Variants in RNF19A observed in about 807,000 individuals in gnomAD.
RNF19A encodes E3 ubiquitin-protein ligase RNF19A.
RNF19A carries 32 observed loss-of-function variants against 75.7 expected under a neutral mutation model. That is an observed-to-expected ratio of 0.42 (90% confidence interval 0.32 to 0.57). The LOEUF is 0.57. RNF19A is among the 20% of genes least tolerant of loss of function. The pLI, the probability that RNF19A is intolerant of heterozygous loss-of-function variation, is 0.10. For synonymous variants in RNF19A, 335 were observed against 345.2 expected (o/e 0.97, Z 0.33); for missense variants, 782 against 1,036.3 (o/e 0.75, Z 3.37).
chr8:100,265,943 C>T (rs1419064808), intron 5 of RNF19A, among the ~76,000 whole-genome samples: 1 of 152,210 alleles, frequency 6.6e-6, no homozygotes, highest in Non-Finnish European at 1.5e-5. Context: ...GCAGCTAATT[C>T]CTGCTCCTCC....
intron 1 of RNF19A, among the ~76,000 whole-genome samples, chr8:100,320,538 C>A (rs551798985): frequency 6.6e-6 from 1 of 152,274 alleles, no homozygotes; most frequent in South Asian, 2.1e-4. Flanking sequence ...CTAATATTCA[C>A]TGGGTGGAAA....
At chr8:100,310,316 A>G (rs1267413902), upstream of RNF19A, 1 of 892,208 alleles carries the variant, frequency 1.1e-6, no homozygotes, top group Non-Finnish European at 1.3e-6. Context: ...GGTGGCCCCG[A>G]CTGCGGCCCC....
intron 1 of RNF19A, among the ~76,000 whole-genome samples, chr8:100,321,102 G>T (rs190475233): frequency 3.4e-4 from 52 of 152,288 alleles, no homozygotes; most frequent in Middle Eastern, 3.4e-3. Flanking sequence ...AGCTGTGGCG[G>T]TTTCTTAAAA....
At chr8:100,300,578 A>T (rs1177119147) in intron 1 of RNF19A, 20 of 152,214 alleles carry the variant, frequency 1.3e-4, no homozygotes, top group Non-Finnish European at 5.9e-5. Flanking sequence ...GCTTGAGCCC[A>T]GGAATTCCAG....
At position 100,275,659 on chromosome 8, in the gene RNF19A, A is replaced by G. The variant is rs576151735; in HGVS notation, c.675-498T>C. 6.6e-6 allele frequency among the ~76,000 whole-genome samples: 1 copy of G among 152,308 alleles called. No individual in the cohort carries two copies. Among genetic ancestry groups the G allele is most frequent in the Non-Finnish European group, 1.5e-5 (1 of 68,028 alleles). ...ATTGTATGCACACAAAAAAAAGACT[A>G]GAAGGAAAAACACCAAAAATCTTAA... On this transcript the variant is annotated intron_variant, in intron 2 of 9. Transcript: ENST00000341084. This position sits in a 1 kb window ranked among gnomAD's most constrained non-coding sequence, Gnocchi z 4.3.
intron 1 of RNF19A, among the ~76,000 whole-genome samples, chr8:100,319,447 C>T (rs1822432619): frequency 6.6e-6 from 1 of 151,672 alleles, no homozygotes. Flanking sequence ...GAGTTGAGGC[C>T]TACTTTGCAC....
At chr8:100,272,701 G>A (rs554079314) in intron 3 of RNF19A, among the ~76,000 whole-genome samples, 8 of 151,938 alleles carry the variant, frequency 5.3e-5, no homozygotes, top group South Asian at 4.2e-4. Context: ...ACACCACCAC[G>A]CCTGGCTAAT....
upstream of RNF19A, among the ~76,000 whole-genome samples, chr8:100,311,241 C>G (rs140361780): frequency 6.6e-6 from 1 of 152,086 alleles, no homozygotes; most frequent in Non-Finnish European, 1.5e-5. Context: ...TGTCTTTGGC[C>G]TCGAATCTTA....
In RNF19A at chr8:100,258,411, G is replaced by A; in HGVS notation, c.*145C>T. On this transcript the variant is annotated 3_prime_UTR_variant, in exon 10 of 10. Coordinates refer to ENST00000341084, the MANE Select transcript of RNF19A (RefSeq NM_183419.4). The surrounding 1 kb of genome is among the most constrained non-coding windows in gnomAD (Gnocchi z 4.3). Reference sequence around the variant, plus strand: ...AACTAAGATCCACATGACACACAATGCCTTGCTGAACACAGAAAATGTATC... The same window carrying A: ...AACTAAGATCCACATGACACACAATACCTTGCTGAACACAGAAAATGTATC... The A allele has an allele frequency of 1.6e-6, 1 of 634,388 alleles. No individual in the cohort carries two copies. The highest frequency in any genetic ancestry group is 2.7e-6 in the Non-Finnish European group (1 of 369,584). 39.3% of individuals were successfully genotyped at this position (634,388 alleles called of 1,614,324 possible).
At chr8:100,300,416 G>A (rs1457764871) in intron 1 of RNF19A, 2 of 152,296 alleles carry the variant, frequency 1.3e-5, no homozygotes, top group African/African-American at 2.4e-5. Context: ...CGCTTTGGGA[G>A]GACAAGGCAG....
chr8:100,278,256 T>A (rs2129769731), intron 2 of RNF19A, among the ~76,000 whole-genome samples: 1 of 152,380 alleles, frequency 6.6e-6, no homozygotes, highest in South Asian at 2.1e-4. Context: ...TCTGCACTTG[T>A]GCTTGACTAA....
At chr8:100,318,771 T>A (rs1030659007) in intron 1 of RNF19A, among the ~76,000 whole-genome samples, 2 of 152,198 alleles carry the variant, frequency 1.3e-5, no homozygotes, top group African/African-American at 2.4e-5. Flanking sequence ...CACTACCGGA[T>A]TTACATAGCC....
At position 100,259,965 on chromosome 8, in the gene RNF19A, C is replaced by T. The variant is rs745964127; in HGVS notation, c.1715G>A (p.Arg572Gln). The stretch of plus-strand genomic sequence containing the variant: ...GCCAGATTCTCCACTTAGACTGTAC[C>T]GTTCTTTCTGTACATCTGCTTGTAC... ...LEVQADVQKE[R>Q]YSLSGESGTV... The change falls in exon 9 of 10, where the codon CGG becomes CAG. Residue 572 changes from arginine to glutamine, a missense_variant. Transcript: ENST00000341084. The surrounding 1 kb of genome is among the most constrained non-coding windows in gnomAD (Gnocchi z 4.5). 49 of 1,613,824 alleles carry T rather than the reference C, an allele frequency of 3.0e-5. No individual in the cohort carries two copies. The highest frequency in any genetic ancestry group is 5.5e-5 in the South Asian group (5 of 91,060).
intron 1 of RNF19A, among the ~76,000 whole-genome samples, chr8:100,334,629 T>C (rs1822653172): frequency 1.3e-5 from 2 of 152,220 alleles, no homozygotes; most frequent in African/African-American, 4.8e-5. Context: ...TGGTCTAAGA[T>C]GGGACCAGCA....
At position 100,275,552 on chromosome 8, in the gene RNF19A, C is replaced by G. The variant is rs1820466563; in HGVS notation, c.675-391G>C. Among the ~76,000 whole-genome samples the G allele has an allele frequency of 1.3e-5, 2 of 151,880 alleles. No homozygotes were observed. Among genetic ancestry groups the G allele is most frequent in the Admixed American group, 6.6e-5 (1 of 15,250 alleles). Reference sequence around the variant, plus strand: ...AGGCAGTTTTTCAACTCTCGCCCCTCTCCCTCAACTTTTAAGTAGGATACC... The same window carrying G: ...AGGCAGTTTTTCAACTCTCGCCCCTGTCCCTCAACTTTTAAGTAGGATACC... On this transcript the variant is annotated intron_variant, in intron 2 of 9. Transcript: ENST00000341084. The surrounding 1 kb of genome is among the most constrained non-coding windows in gnomAD (Gnocchi z 4.3).
intron 1 of RNF19A, among the ~76,000 whole-genome samples, chr8:100,316,124 T>G (rs1020022467): frequency 6.6e-6 from 1 of 151,944 alleles, no homozygotes; most frequent in Admixed American, 6.6e-5. Context: ...GGCTCAGGAG[T>G]AAAGCTGCAG....
chr8:100,315,584 A>G (rs952950302), intron 1 of RNF19A, among the ~76,000 whole-genome samples: 3 of 152,110 alleles, frequency 2.0e-5, no homozygotes, highest in Non-Finnish European at 2.9e-5. Context: ...GACTAAATAT[A>G]CTGATTTCCA....
At chr8:100,290,867 A>G (rs936442999) in intron 1 of RNF19A, among the ~76,000 whole-genome samples, 5 of 152,174 alleles carry the variant, frequency 3.3e-5, no homozygotes, top group Admixed American at 6.5e-5. Context: ...TTTGCAACAC[A>G]ATGATATCTG....
intron 1 of RNF19A, among the ~76,000 whole-genome samples, chr8:100,308,555 G>A (rs996993220): frequency 1.3e-5 from 2 of 152,134 alleles, no homozygotes; most frequent in South Asian, 2.1e-4. Flanking sequence ...GGTAAAATGT[G>A]TATTAAGACG....
Sources: allele counts gnomAD v4.1 joint callset (sites outside exome capture counted in the v4.1 genomes callset), GRCh38; gene constraint gnomAD v4.1.1; non-coding constraint Gnocchi (gnomAD v3.1); transcripts MANE v1.5; gene names NCBI Gene and HGNC (gene_info 2026-07-23, HGNC 2026-07-21).